Variants in MLLT3 observed in about 807,000 individuals in gnomAD.
MLLT3 encodes the protein protein AF-9.
In MLLT3, 4 loss-of-function variants were observed where a neutral mutation model predicts 53.2. The observed-to-expected ratio is 0.08, with a 90% CI of 0.04 to 0.17. The LOEUF (loss-of-function observed/expected upper bound fraction) is 0.17, where lower values mean the gene tolerates loss of function less well. Among genes scored for constraint, MLLT3 ranks in the 10% least tolerant of loss-of-function variants. The pLI, the probability that MLLT3 is intolerant of heterozygous loss-of-function variation, is 1.00. For synonymous variants in MLLT3, 283 were observed against 230.6 expected (o/e 1.23, Z -2.06); for missense variants, 569 against 684.0 (o/e 0.83, Z 1.87).
chr9:20,445,072 C>A (rs1408375179), intron 4 of MLLT3, among the ~76,000 whole-genome samples: 1 of 151,526 alleles, frequency 6.6e-6, no homozygotes, highest in African/African-American at 2.4e-5. Context: ...GCCTGGGCAA[C>A]AGAGTGAGAC....
In MLLT3 at chr9:20,414,357, G is replaced by T. The variant is rs772542081; in HGVS notation, c.489C>A (p.Ser163Arg). 1 of 1,603,656 alleles carries T rather than the reference G, an allele frequency of 6.2e-7. No homozygotes were observed. The highest frequency in any genetic ancestry group is 1.3e-5 in the African/African-American group (1 of 74,600). Residue 163 changes from serine (S) to arginine (R), a missense_variant, in exon 5 of 11, where the codon AGC becomes AGA. Ser to Arg is a moderately radical substitution (Grantham distance 110). Around this residue, in one of 5 missense-constraint regions of MLLT3, gnomAD observed 39 missense variants for 68.8 expected, o/e 0.57. Coordinates refer to ENST00000380338, the MANE Select transcript of MLLT3 (RefSeq NM_004529.4). Reference sequence around the variant, plus strand: ...TGCTGCTGCTGCTACTGCTGCTGCTGCTGCTGCTGCTGCTGCTGCTACTGC... The same window carrying T: ...TGCTGCTGCTGCTACTGCTGCTGCTTCTGCTGCTGCTGCTGCTGCTACTGC... ...SSSSSSSSSS[S>R]SSSSSSSSSS...
chr9:20,472,353 C>A (rs984371423), intron 2 of MLLT3, among the ~76,000 whole-genome samples: 10 of 152,030 alleles, frequency 6.6e-5, no homozygotes, highest in African/African-American at 2.4e-4. Flanking sequence ...ATATGTGTTG[C>A]CGGCCATTCA....
intron 5 of MLLT3, chr9:20,412,018 T>C (rs1390080181): frequency 2.6e-5 from 4 of 152,208 alleles, no homozygotes; most frequent in African/African-American, 9.7e-5. Context: ...AGTTTTCTGA[T>C]TTTTTTAATG....
At chr9:20,360,410 A>G (rs142263238) in intron 8 of MLLT3, among the ~76,000 whole-genome samples, 1,978 of 152,352 alleles carry the variant, frequency 0.013, 46 homozygotes, top group African/African-American at 0.044. Context: ...CCCAAAGGTC[A>G]TATTCTTCCT....
chr9:20,591,618 AC>A (rs2131186892), intron 2 of MLLT3, among the ~76,000 whole-genome samples: 1 of 152,340 alleles, frequency 6.6e-6, no homozygotes, highest in African/African-American at 2.4e-5. Context: ...TGTTTAGGGA[AC>A]AAAGAATCAC....
chr9:20,615,387 A>C (rs79730055), intron 2 of MLLT3, among the ~76,000 whole-genome samples: 32,240 of 105,060 alleles, frequency 0.31, 3,924 homozygotes, highest in Non-Finnish European at 0.38. Context: ...AAAAAAAAAA[A>C]AAAAAAAAAG....
chr9:20,370,297 A>G (rs545982524), intron 5 of MLLT3, among the ~76,000 whole-genome samples: 192 of 152,248 alleles, frequency 1.3e-3, no homozygotes, highest in Non-Finnish European at 2.3e-3. Context: ...TGATGCTACT[A>G]TTGTAATTGC....
intron 2 of MLLT3, among the ~76,000 whole-genome samples, chr9:20,566,931 T>A (rs918988768): frequency 6.6e-6 from 1 of 152,050 alleles, no homozygotes; most frequent in African/African-American, 2.4e-5. Context: ...TCAAAGCAAC[T>A]GACCAAAGAG....
At chr9:20,500,613 T>C (rs1016512831) in intron 2 of MLLT3, among the ~76,000 whole-genome samples, 8 of 152,230 alleles carry the variant, frequency 5.3e-5, no homozygotes, top group African/African-American at 1.4e-4. Context: ...TCAAGAACTA[T>C]TGACCACTCA....
At chr9:20,393,684 T>C (rs1476002531) in intron 5 of MLLT3, among the ~76,000 whole-genome samples, 1 of 152,204 alleles carries the variant, frequency 6.6e-6, no homozygotes, top group Non-Finnish European at 1.5e-5. Flanking sequence ...CACTTTTTAT[T>C]GCGTGATAAA....
chr9:20,507,390 T>A (rs1400079443), intron 2 of MLLT3, among the ~76,000 whole-genome samples: 2 of 152,186 alleles, frequency 1.3e-5, no homozygotes, highest in African/African-American at 4.8e-5. Context: ...CTCCCCCAAG[T>A]TGACTGCAGC....
chr9:20,421,530 GAAGA>G (rs1421705872), intron 4 of MLLT3, among the ~76,000 whole-genome samples: 1 of 152,070 alleles, frequency 6.6e-6, no homozygotes, highest in Non-Finnish European at 1.5e-5. Context: ...CCAACATAAT[GAAGA>G]AAGTAAAAGA....
At chr9:20,571,572 T>C (rs537313728) in intron 2 of MLLT3, among the ~76,000 whole-genome samples, 1 of 152,276 alleles carries the variant, frequency 6.6e-6, no homozygotes, top group East Asian at 1.9e-4. Context: ...GTATTTCTCC[T>C]AATGCTATCC....
At chr9:20,572,472 T>A (rs1376619906) in intron 2 of MLLT3, among the ~76,000 whole-genome samples, 4 of 152,174 alleles carry the variant, frequency 2.6e-5, no homozygotes, top group Non-Finnish European at 5.9e-5. Context: ...TCCAAAAATA[T>A]ATAGTTTGTT....
chr9:20,562,424 T>C (rs560181966), intron 2 of MLLT3, among the ~76,000 whole-genome samples: 7 of 152,082 alleles, frequency 4.6e-5, no homozygotes, highest in Admixed American at 6.6e-5. Flanking sequence ...AAAAGTAACA[T>C]GTAAAGGAAT....
chr9:20,599,458 TAAA>T (rs11354753), intron 2 of MLLT3, among the ~76,000 whole-genome samples: 7 of 142,504 alleles, frequency 4.9e-5, no homozygotes, highest in Admixed American at 6.9e-5. Flanking sequence ...ACCAGATGTT[TAAA>T]AAAAAAAAAA....
At chr9:20,404,624 C>T (rs142667375) in intron 5 of MLLT3, among the ~76,000 whole-genome samples, 20 of 152,274 alleles carry the variant, frequency 1.3e-4, no homozygotes, top group African/African-American at 4.8e-4. Context: ...TCTGCCTCAG[C>T]GTCTCAAGTG....
intron 2 of MLLT3, among the ~76,000 whole-genome samples, chr9:20,576,280 C>G (rs1269674855): frequency 2.0e-5 from 3 of 152,178 alleles, no homozygotes; most frequent in Non-Finnish European, 4.4e-5. Flanking sequence ...ATCCAGACCA[C>G]TAAAACTTTC....
intron 2 of MLLT3, among the ~76,000 whole-genome samples, chr9:20,570,993 A>G (rs1725126878): frequency 6.6e-6 from 1 of 152,258 alleles, no homozygotes; most frequent in African/African-American, 2.4e-5. Context: ...TACAAAATTA[A>G]GAAGCCATGA....
Sources: gnomAD v4.1 joint callset for allele counts (sites outside exome capture counted in the v4.1 genomes callset) on GRCh38, gnomAD v4.1.1 for gene constraint, gnomAD v4.1.1 regional missense constraint, MANE v1.5 for transcripts, NCBI Gene and HGNC (gene_info 2026-07-23, HGNC 2026-07-21) for gene names.